The following LIN28B variants were observed in gnomAD, a reference collection of about 807,000 sequenced individuals.
LIN28B encodes lin-28 RNA binding posttranscriptional regulator B, also known as protein lin-28 homolog B.
LIN28B carries 5 observed loss-of-function variants against 21.9 expected under a neutral mutation model. The ratio of observed to expected loss-of-function variants is 0.23; its 90% confidence interval spans 0.12 to 0.48. LIN28B has a LOEUF of 0.48. Among genes scored for constraint, LIN28B ranks in the 20% least tolerant of loss-of-function variants. LIN28B has a pLI of 0.98. For synonymous variants in LIN28B, 109 were observed against 111.3 expected, an observed-to-expected ratio of 0.98 and a Z score of 0.13; for missense variants, 245 against 310.5, an observed-to-expected ratio of 0.79 and a Z score of 1.58.
intron 2 of LIN28B, among the ~76,000 whole-genome samples, chr6:104,994,517 C>T (rs1291703527): frequency 2.0e-5 from 3 of 152,126 alleles, no homozygotes; most frequent in Non-Finnish European, 4.4e-5. Flanking sequence ...GGAGAGAAAG[C>T]TATAAATCGT....
intron 3 of LIN28B, among the ~76,000 whole-genome samples, chr6:105,031,615 G>A (rs1771426744): frequency 1.3e-5 from 2 of 150,972 alleles, no homozygotes; most frequent in African/African-American, 2.4e-5. Flanking sequence ...CTCACTGCAA[G>A]CTCTGCCTCC....
chr6:104,954,277 A>G (rs1778257321), upstream of LIN28B, among the ~76,000 whole-genome samples: 4 of 152,226 alleles, frequency 2.6e-5, no homozygotes, highest in South Asian at 2.1e-4. Flanking sequence ...AAAGCATTCT[A>G]GAAGACTCAT....
intron 2 of LIN28B, chr6:104,940,530 T>G (rs7766336): frequency 0.69 from 104,331 of 151,242 alleles, 36,033 homozygotes; most frequent in South Asian, 0.73. Flanking sequence ...GCGGCCGCGC[T>G]CGCCCGCCCG....
At chr6:105,042,244 G>C (rs1236714151) in intron 3 of LIN28B, among the ~76,000 whole-genome samples, 1 of 152,078 alleles carries the variant, frequency 6.6e-6, no homozygotes, top group African/African-American at 2.4e-5. Flanking sequence ...AAAAATAACT[G>C]ATACACATAA....
At chr6:105,044,866 C>G (rs1439615770) in intron 3 of LIN28B, among the ~76,000 whole-genome samples, 2 of 152,024 alleles carry the variant, frequency 1.3e-5, no homozygotes, top group Non-Finnish European at 2.9e-5. Context: ...AGTTGTATTT[C>G]TAGTCATTGG....
At chr6:105,004,604 G>A (rs1582890540) in intron 2 of LIN28B, among the ~76,000 whole-genome samples, 2 of 152,024 alleles carry the variant, frequency 1.3e-5, no homozygotes, top group African/African-American at 4.8e-5. Context: ...AATATTGAAT[G>A]TTTATTTTGT....
At chr6:105,069,661 C>T (rs1772292667) in intron 3 of LIN28B, among the ~76,000 whole-genome samples, 1 of 151,636 alleles carries the variant, frequency 6.6e-6, no homozygotes, top group Non-Finnish European at 1.5e-5. Flanking sequence ...TGTAGTCCAG[C>T]CTGGATAACA....
intron 1 of LIN28B, 107 bp downstream of exon 1, chr6:104,957,367 C>T: frequency 1.5e-6 from 1 of 652,714 alleles, no homozygotes; most frequent in Non-Finnish European, 2.6e-6. Context: ...CCTTTTACCC[C>T]AATACTGGGC....
intron 3 of LIN28B, among the ~76,000 whole-genome samples, chr6:105,063,649 A>G (rs55687025): frequency 0.25 from 11,770 of 46,480 alleles, 863 homozygotes; most frequent in Middle Eastern, 0.32. Context: ...GGGGGGGGGG[A>G]AAAAAAGGTA....
chr6:104,950,135 G>A (rs1213816516), intron 2 of LIN28B, among the ~76,000 whole-genome samples: 2 of 152,052 alleles, frequency 1.3e-5, no homozygotes, highest in African/African-American at 2.4e-5. Flanking sequence ...AAAAATACTA[G>A]TATTTTAAAA....
chr6:105,011,878 G>A (rs1215813398), intron 2 of LIN28B, among the ~76,000 whole-genome samples: 1 of 150,626 alleles, frequency 6.6e-6, no homozygotes, highest in Admixed American at 6.6e-5. Flanking sequence ...ATAAACTGCC[G>A]GCCAGGTGTG....
At chr6:104,970,205 T>C (rs1384692215) in intron 2 of LIN28B, among the ~76,000 whole-genome samples, 1 of 152,212 alleles carries the variant, frequency 6.6e-6, no homozygotes, top group Non-Finnish European at 1.5e-5. Flanking sequence ...ATTTAAGTTC[T>C]GGCTGCAGTC....
intron 2 of LIN28B, among the ~76,000 whole-genome samples, chr6:104,946,018 T>G (rs900950365): frequency 3.3e-5 from 5 of 152,046 alleles, no homozygotes; most frequent in African/African-American, 9.6e-5. Flanking sequence ...ATCTCTGTGA[T>G]TCAGCAGTGC....
intron 2 of LIN28B, among the ~76,000 whole-genome samples, chr6:105,018,198 G>T (rs992592937): frequency 6.6e-6 from 1 of 152,044 alleles, no homozygotes; most frequent in African/African-American, 2.4e-5. Flanking sequence ...GAGGCAGGAG[G>T]ATTGCTTGAG....
intron 2 of LIN28B, among the ~76,000 whole-genome samples, chr6:105,013,238 T>C (rs909552496): frequency 1.3e-5 from 2 of 151,958 alleles, no homozygotes; most frequent in African/African-American, 4.8e-5. Context: ...TGTGAACTCC[T>C]GAACTCAGGT....
rs142696106 is a variant in LIN28B, at chr6:105,072,154, A to G, written c.384-6260A>G. ...GATCCTAGATATTTTAGACTTACAT[A>G]TAATAAAATTACATCAATATTGTTG... On this transcript the variant is annotated intron_variant, in intron 3 of 3. Transcript: ENST00000345080. Among the ~76,000 whole-genome samples, 512 of 152,268 alleles carry G rather than the reference A, an allele frequency of 3.4e-3. 4 individuals carry two copies. The highest frequency in any genetic ancestry group is 0.012 in the African/African-American group (484 of 41,574).
intron 3 of LIN28B, among the ~76,000 whole-genome samples, chr6:105,048,203 A>C (rs1771812719): frequency 6.6e-6 from 1 of 152,196 alleles, no homozygotes; most frequent in Non-Finnish European, 1.5e-5. Flanking sequence ...ATCAATACCT[A>C]ATTTATTGAT....
At chr6:105,038,168 C>G (rs1582911016) in intron 3 of LIN28B, among the ~76,000 whole-genome samples, 1 of 152,150 alleles carries the variant, frequency 6.6e-6, no homozygotes, top group South Asian at 2.1e-4. Context: ...TAAAACCACT[C>G]AAAGTATCTA....
At chr6:104,948,234 C>T (rs746246065) in intron 2 of LIN28B, among the ~76,000 whole-genome samples, 3 of 152,180 alleles carry the variant, frequency 2.0e-5, no homozygotes, top group African/African-American at 4.8e-5. Context: ...TTTGGGAGGC[C>T]GAGGCGGGTG....
Sources: allele counts gnomAD v4.1 joint callset (sites outside exome capture counted in the v4.1 genomes callset), GRCh38; gene constraint gnomAD v4.1.1; transcripts MANE v1.5; gene names NCBI Gene and HGNC (gene_info 2026-07-23, HGNC 2026-07-21).